ANKRD31: variants seen among roughly 807,000 people sequenced by gnomAD.
ANKRD31 encodes ankyrin repeat domain-containing protein 31.
In ANKRD31, 147 loss-of-function variants were observed where a neutral mutation model predicts 186.0. The observed-to-expected ratio is 0.79, with a 90% CI of 0.69 to 0.91. The LOEUF (loss-of-function observed/expected upper bound fraction) is 0.91, where lower values mean the gene tolerates loss of function less well. ANKRD31 is among the 40% of genes least tolerant of loss of function. The probability of loss-of-function intolerance (pLI) is 0.00; values close to 1 mark genes in which losing one functional copy is unlikely to be tolerated. For synonymous variants in ANKRD31, 673 were observed against 736.4 expected, an observed-to-expected ratio of 0.91 and a Z score of 1.39; for missense variants, 1,986 against 2,148.8, an observed-to-expected ratio of 0.92 and a Z score of 1.50.
At chr5:75,113,901 T>G (rs1561434751) in intron 19 of ANKRD31, among the ~76,000 whole-genome samples, 1 of 152,186 alleles carries the variant, frequency 6.6e-6, no homozygotes, top group Non-Finnish European at 1.5e-5. Flanking sequence ...CAGGCTAAGC[T>G]CTATCCACAG....
chr5:75,147,894 G>A (rs1358943284), intron 13 of ANKRD31, among the ~76,000 whole-genome samples: 1 of 151,782 alleles, frequency 6.6e-6, no homozygotes, highest in East Asian at 1.9e-4. Context: ...CATCTTTTGT[G>A]TCTAGTGGAT....
chr5:75,070,682 G>A (rs1291691183), intron 25 of ANKRD31, among the ~76,000 whole-genome samples: 2 of 152,266 alleles, frequency 1.3e-5, no homozygotes, highest in Non-Finnish European at 2.9e-5. Flanking sequence ...CATTCTGATG[G>A]TAGAAAAATT....
rs1405267285 is a variant in ANKRD31, at chr5:75,196,144, A to G, written c.504T>C (p.Ile168=). Residue 168 remains isoleucine, a synonymous_variant, in exon 7 of 26, where the codon ATT becomes ATC. Transcript: ENST00000506364. ...TTACAGCAACTGTATCAGATACTGT[A>G]ATAGCAGTGCCTGAGAGAAGGCTAA... ...PEVSLLSGTA[I]TVSDTVAVKE... The G allele has an allele frequency of 1.3e-6, 2 of 1,521,440 alleles. No homozygotes were observed. Among genetic ancestry groups the G allele is most frequent in the East Asian group, 2.4e-5 (1 of 40,844 alleles). 94.2% of individuals were successfully genotyped at this position (1,521,440 alleles called of 1,614,324 possible). A position where few individuals can be genotyped will look rare whatever the true frequency, so the allele number is the denominator to read the frequency against.
chr5:75,070,813 C>T (rs1744165618), intron 25 of ANKRD31, among the ~76,000 whole-genome samples: 1 of 152,158 alleles, frequency 6.6e-6, no homozygotes, highest in Admixed American at 6.5e-5. Flanking sequence ...TTGTCTGGGG[C>T]TGGGCATAGT....
In ANKRD31 at chr5:75,210,860, T is replaced by C. The variant is rs1328546241; in HGVS notation, c.294A>G (p.Gln98=). The stretch of plus-strand genomic sequence containing the variant: ...GAGCTTGATTTCGTTCTGTTTCATC[T>C]TGAGACTGCTAGGAAAAAAAAAAGT... The part of the protein sequence containing the change: ...VLSEDTILQS[Q]DETERNQALL... The change falls in exon 4 of 26, where the codon CAA becomes CAG. Residue 98 remains glutamine (Q), a synonymous_variant. Coordinates refer to ENST00000506364, the MANE Select transcript of ANKRD31 (RefSeq NM_001372053.1). The C allele has an allele frequency of 2.6e-6, 4 of 1,513,674 alleles. No individual in the cohort carries two copies. Among genetic ancestry groups the C allele is most frequent in the Non-Finnish European group, 3.5e-6 (4 of 1,139,276 alleles). The allele number at this position is 1,513,674 out of a possible 1,614,324, so 93.8% of individuals were successfully genotyped here. A position where few individuals can be genotyped will look rare whatever the true frequency, so the allele number is the denominator to read the frequency against.
rs1230110730 is a variant in ANKRD31 at position 75,104,916 on chromosome 5, GT to G, written c.4642del (p.Thr1548LeufsTer12). On this transcript the variant is annotated frameshift_variant, in exon 22 of 26. Transcript: ENST00000506364. LOFTEE classifies it high-confidence loss of function. ...GTTGGTATTTTGGCTGTAGTTCCAA[GT>G]TTCCAGAGACAATTGTGTTTCCTGC... Reference protein sequence around the residue: ...SMQETQLSLETWNYSQNTNIC... With the variant: ...SMQETQLSLEXWNYSQNTNIC... 6.5e-7 allele frequency: 1 copy of G among 1,537,174 alleles called. No homozygotes were observed. The highest frequency in any genetic ancestry group is 8.7e-7 in the Non-Finnish European group (1 of 1,146,884).
chr5:75,201,915 G>T (rs969983418), intron 5 of ANKRD31, among the ~76,000 whole-genome samples: 1 of 152,086 alleles, frequency 6.6e-6, no homozygotes, highest in Non-Finnish European at 1.5e-5. Flanking sequence ...ATAACCCAGC[G>T]ATTCCTTTCT....
At chr5:75,158,998 T>C (rs972807241) in intron 11 of ANKRD31, among the ~76,000 whole-genome samples, 1 of 152,054 alleles carries the variant, frequency 6.6e-6, no homozygotes, top group African/African-American at 2.4e-5. Context: ...AATATGTTGA[T>C]AATTTATAAA....
At chr5:75,178,237 T>G (rs1453635664) in intron 10 of ANKRD31, among the ~76,000 whole-genome samples, 1 of 152,082 alleles carries the variant, frequency 6.6e-6, no homozygotes, top group Non-Finnish European at 1.5e-5. Flanking sequence ...CATAAAGCAA[T>G]TCCTTAGTGA....
chr5:75,206,691 C>T (rs73114854), intron 4 of ANKRD31, among the ~76,000 whole-genome samples: 7,430 of 151,922 alleles, frequency 0.049, 396 homozygotes, highest in African/African-American at 0.13. Flanking sequence ...AAGGAGAGAG[C>T]TGAAAAAATA....
At chr5:75,093,797 G>A (rs1746117370) in intron 22 of ANKRD31, among the ~76,000 whole-genome samples, 1 of 152,162 alleles carries the variant, frequency 6.6e-6, no homozygotes, top group Non-Finnish European at 1.5e-5. Context: ...CTAGGAAAAC[G>A]ATCTTTTAAA....
intron 10 of ANKRD31, among the ~76,000 whole-genome samples, chr5:75,186,792 G>T (rs189776739): frequency 6.6e-6 from 1 of 152,150 alleles, no homozygotes; most frequent in Non-Finnish European, 1.5e-5. Context: ...ACATATAAAA[G>T]ACCATTGGTC....
At chr5:75,122,972 G>A (rs1748921398) in intron 17 of ANKRD31, among the ~76,000 whole-genome samples, 1 of 152,036 alleles carries the variant, frequency 6.6e-6, no homozygotes, top group Admixed American at 6.6e-5. Flanking sequence ...AGGCATCCAA[G>A]TTGGAAAAGA....
chr5:75,156,462 C>A (rs558385445), intron 11 of ANKRD31, among the ~76,000 whole-genome samples: 2 of 152,296 alleles, frequency 1.3e-5, no homozygotes, highest in African/African-American at 4.8e-5. Context: ...TTCCTCCGCA[C>A]TTATCGTGGT....
chr5:75,085,246 T>G (rs1325543998), intron 23 of ANKRD31, among the ~76,000 whole-genome samples: 1 of 152,214 alleles, frequency 6.6e-6, no homozygotes, highest in Non-Finnish European at 1.5e-5. Flanking sequence ...TACATCTGTT[T>G]CTATTAAACC....
chr5:75,172,042 G>C (rs1382436356), intron 10 of ANKRD31, among the ~76,000 whole-genome samples: 3 of 151,488 alleles, frequency 2.0e-5, no homozygotes, highest in Admixed American at 1.3e-4. Flanking sequence ...AGCAAATCTT[G>C]ATCAAAAGGA....
intron 20 of ANKRD31, among the ~76,000 whole-genome samples, chr5:75,110,884 T>C (rs1163332152): frequency 1.3e-5 from 2 of 149,972 alleles, no homozygotes; most frequent in African/African-American, 2.4e-5. Flanking sequence ...AACTGAAAAT[T>C]AGTACTATCT....
At chr5:75,109,514 T>G (rs1747595929) in intron 20 of ANKRD31, among the ~76,000 whole-genome samples, 1 of 152,180 alleles carries the variant, frequency 6.6e-6, no homozygotes, top group South Asian at 2.1e-4. Context: ...GTAAAGGGTC[T>G]TCTCTTCTTT....
intron 22 of ANKRD31, among the ~76,000 whole-genome samples, chr5:75,096,294 G>C (rs185740104): frequency 2.6e-5 from 4 of 152,180 alleles, no homozygotes; most frequent in African/African-American, 4.8e-5. Flanking sequence ...TGGTGTGTTT[G>C]TTGGCCACAT....
Sources: allele counts gnomAD v4.1 joint callset (sites outside exome capture counted in the v4.1 genomes callset), GRCh38; gene constraint gnomAD v4.1.1; transcripts MANE v1.5; gene names NCBI Gene and HGNC (gene_info 2026-07-23, HGNC 2026-07-21).